WNT8A: variants seen among roughly 807,000 people sequenced by gnomAD.
The protein encoded by WNT8A is protein Wnt-8a.
A neutral mutation model predicts 20.5 loss-of-function variants in WNT8A; 14 were observed. That is an observed-to-expected ratio of 0.68 (90% CI 0.45 to 1.07). The LOEUF (loss-of-function observed/expected upper bound fraction) is 1.07, where lower values mean the gene tolerates loss of function less well. Ranked by LOEUF, WNT8A falls within the 50% of genes least tolerant of loss-of-function variation. WNT8A has a pLI of 0.00. For synonymous variants in WNT8A, 167 were observed against 169.2 expected, an observed-to-expected ratio of 0.99 and a Z score of 0.10; for missense variants, 397 against 462.9, an observed-to-expected ratio of 0.86 and a Z score of 1.31.
At chr5:138,091,607 C>G, downstream of WNT8A, 1 of 849,952 alleles carries the variant, frequency 1.2e-6, no homozygotes, top group Non-Finnish European at 1.6e-6. Context: ...CCCAAGTATG[C>G]ACTTTTGAAA....
the WNT8A span, among the ~76,000 whole-genome samples, chr5:138,077,801 C>T: frequency 6.6e-6 from 1 of 152,144 alleles, no homozygotes; most frequent in Admixed American, 6.6e-5. Context: ...GGGAGAAACA[C>T]GTCCCTATCC....
upstream of WNT8A, among the ~76,000 whole-genome samples, chr5:138,082,826 G>A (rs1013348107): frequency 1.6e-4 from 24 of 151,648 alleles, no homozygotes; most frequent in African/African-American, 5.3e-4. Flanking sequence ...GCAGTGAGCC[G>A]AGATCATGCC....
At chr5:138,082,916 T>TAAATAAATAAATAAATA (rs1554086966), upstream of WNT8A, among the ~76,000 whole-genome samples, 8 of 142,212 alleles carry the variant, frequency 5.6e-5, no homozygotes, top group African/African-American at 8.0e-5. Flanking sequence ...AATAAATAAA[T>TAAATAAATAAATAAATA]AAATAAAATA....
downstream of WNT8A, chr5:138,091,606 G>A (rs1750858316): frequency 3.5e-6 from 3 of 858,438 alleles, no homozygotes; most frequent in Non-Finnish European, 4.8e-6. Flanking sequence ...CCCCAAGTAT[G>A]CACTTTTGAA....
At chr5:138,077,748 T>C in the WNT8A span, among the ~76,000 whole-genome samples, 2 of 152,176 alleles carry the variant, frequency 1.3e-5, no homozygotes, top group Non-Finnish European at 2.9e-5. Context: ...CCTAGGCTAA[T>C]GGTGAAGATG....
chr5:138,090,668 A>T lies in WNT8A; in HGVS notation c.705A>T (p.Lys235Asn), dbSNP rs1750815507. 1 of 1,614,122 alleles carries T rather than the reference A, an allele frequency of 6.2e-7. No homozygotes were observed. The highest frequency in any genetic ancestry group is 8.5e-7 in the Non-Finnish European group (1 of 1,180,050). ...AGGCCAAGTATGACCAGGCGCTGAA[A>T]ATTGAAATGGATAAGCGGCAGCTGA... ...YLKAKYDQAL[K>N]IEMDKRQLRA... The change falls in exon 5 of 5, where the codon AAA becomes AAT. Residue 235 changes from lysine (K) to asparagine (N), a missense_variant. Transcript: ENST00000506684.
rs1561577955 is a variant in WNT8A at position 138,090,802 on chromosome 5, AT to A, written c.841del (p.Ser281ProfsTer47). The A allele has an allele frequency of 6.2e-7, 1 of 1,614,208 alleles. No individual in the cohort carries two copies. On this transcript the variant is annotated frameshift_variant, in exon 5 of 5. Coordinates refer to ENST00000506684, the MANE Select transcript of WNT8A (RefSeq NM_001300939.2). LOFTEE classifies it low-confidence loss of function (END_TRUNC). ...LEESPDYCTC[N>X]SSLGIYGTEG... ...GAATCACCAGATTACTGTACCTGCA[AT>A]TCCAGCCTGGGCATCTATGGCACAG...
At position 138,090,982 on chromosome 5, in the gene WNT8A, T is replaced by G; in HGVS notation, c.1019T>G (p.Val340Gly). ...TGCAAATTCCAGTGGTGCTGTACGG[T>G]CAAGTGTGACCAGTGTAGGCATGTG... is the stretch of plus-strand genomic sequence containing the variant. ...CNCKFQWCCTVKCDQCRHVVS... is the reference protein window; with the variant it reads ...CNCKFQWCCTGKCDQCRHVVS... Residue 340 changes from valine to glycine, a missense_variant, in exon 5 of 5, where the codon GTC becomes GGC. Val to Gly is a moderately radical substitution (Grantham distance 109). Coordinates refer to ENST00000506684, the MANE Select transcript of WNT8A (RefSeq NM_001300939.2). 6.2e-7 allele frequency: 1 copy of G among 1,614,046 alleles called. No individual in the cohort carries two copies. Among genetic ancestry groups the G allele is most frequent in the Non-Finnish European group, 8.5e-7 (1 of 1,179,998 alleles).
At chr5:138,083,559 C>T (rs143836491), upstream of WNT8A, among the ~76,000 whole-genome samples, 169 of 152,242 alleles carry the variant, frequency 1.1e-3, no homozygotes, top group African/African-American at 3.8e-3. Context: ...ATGGCGCACT[C>T]ACTGGTTTAG....
chr5:138,089,187 G>A (rs1025980493), intron 4 of WNT8A, 118 bp downstream of exon 4: 2 of 1,414,038 alleles, frequency 1.4e-6, no homozygotes, highest in Non-Finnish European at 1.9e-6. Context: ...GATTGAGATG[G>A]CTACCCGCAT....
Position 138,090,940 on chromosome 5 carries a change from T to C in WNT8A, c.977T>C (p.Val326Ala), listed in dbSNP as rs764523490. The C allele has an allele frequency of 6.2e-7, 1 of 1,614,082 alleles. No individual in the cohort carries two copies. ...CAGGTGGAAGAGAGGAAAACTGAGG[T>C]CATAAGCAGCTGTAACTGCAAATTC... ...GLQVEERKTE[V>A]ISSCNCKFQW... is the part of the protein sequence containing the mutation. Residue 326 changes from valine (V) to alanine (A), a missense_variant, in exon 5 of 5, where the codon GTC (valine) becomes GCC (alanine). Coordinates refer to ENST00000506684, the MANE Select transcript of WNT8A (RefSeq NM_001300939.2).
chr5:138,085,279 G>C (rs187636140), intron 2 of WNT8A, among the ~76,000 whole-genome samples: 2 of 152,288 alleles, frequency 1.3e-5, no homozygotes, highest in East Asian at 3.9e-4. Context: ...TTGTGCGTTT[G>C]TACACACTGA....
At chr5:138,084,419 C>T in intron 1 of WNT8A, 79 bp from the exon 2 acceptor site, 2 of 1,547,664 alleles carry the variant, frequency 1.3e-6, no homozygotes, top group Non-Finnish European at 1.7e-6. Flanking sequence ...GAGAGCTGGC[C>T]CATCTGAGTC....
At chr5:138,082,151 A>C (rs945555043), upstream of WNT8A, among the ~76,000 whole-genome samples, 1 of 152,226 alleles carries the variant, frequency 6.6e-6, no homozygotes, top group African/African-American at 2.4e-5. Flanking sequence ...AAAGAGCTTC[A>C]GCAACCAAGA....
At chr5:138,085,040 G>A (rs1243390383) in intron 2 of WNT8A, among the ~76,000 whole-genome samples, 1 of 152,066 alleles carries the variant, frequency 6.6e-6, no homozygotes, top group Non-Finnish European at 1.5e-5. Flanking sequence ...GAGTTCAAGT[G>A]ATTCTCCTGC....
At chr5:138,083,899 C>T (rs1005625886), upstream of WNT8A, 21 of 519,258 alleles carry the variant, frequency 4.0e-5, no homozygotes, top group Non-Finnish European at 6.3e-5. Context: ...CTGAGTCCCT[C>T]CTCCCAGATC....
rs2151149466 is a variant in WNT8A, at chr5:138,091,294, C to G, written c.*221C>G. On this transcript the variant is annotated 3_prime_UTR_variant, in exon 5 of 5. Transcript: ENST00000506684. ...TGGGCCTCCTGACTTTGGCAGACCC[C>G]CATTTCATCTTTCCTGCAAACTACT... 2.6e-6 allele frequency: 4 copies of G among 1,552,468 alleles called. No homozygotes were observed. In the South Asian group the frequency reaches 3.4e-5, roughly 13 times the overall value.
At chr5:138,086,879 C>CAAAAAAAAAAAAAAAA (rs35287315) in intron 2 of WNT8A, among the ~76,000 whole-genome samples, 1 of 120,520 alleles carries the variant, frequency 8.3e-6, no homozygotes, top group Non-Finnish European at 1.7e-5. Flanking sequence ...TACTAAAGAC[C>CAAAAAAAAAAAAAAAA]AAAAAAAAAA....
chr5:138,080,468 T>TG (rs1421871940), upstream of WNT8A, among the ~76,000 whole-genome samples: 1 of 137,736 alleles, frequency 7.3e-6, no homozygotes, highest in African/African-American at 2.7e-5. Flanking sequence ...TTTTTTTTTT[T>TG]GGCTAATTTT....
Sources: allele counts gnomAD v4.1 joint callset (sites outside exome capture counted in the v4.1 genomes callset), GRCh38; gene constraint gnomAD v4.1.1; transcripts MANE v1.5; gene names NCBI Gene and HGNC (gene_info 2026-07-23, HGNC 2026-07-21).